SCHIP1: variants seen among roughly 807,000 people sequenced by gnomAD.
SCHIP1 encodes the protein schwannomin interacting protein 1, also known as schwannomin-interacting protein 1.
A neutral mutation model predicts 29.7 loss-of-function variants in SCHIP1; 8 were observed. That is an observed-to-expected ratio of 0.27 (90% CI 0.16 to 0.49). SCHIP1 has a LOEUF of 0.49. Ranked by LOEUF, SCHIP1 falls within the 20% of genes least tolerant of loss-of-function variation. The pLI is 0.99. For missense variants in SCHIP1, 193 were observed against 294.6 expected (o/e 0.66, Z 2.52); for synonymous variants, 76 against 94.9 (o/e 0.80, Z 1.16).
chr3:159,437,672 G>A, the SCHIP1 span, among the ~76,000 whole-genome samples: 1 of 152,040 alleles, frequency 6.6e-6, no homozygotes, highest in East Asian at 1.9e-4. Context: ...GGAATTCAAG[G>A]TCATTCTCTT....
the SCHIP1 span, among the ~76,000 whole-genome samples, chr3:159,563,924 C>G: frequency 1.3e-5 from 2 of 152,276 alleles, no homozygotes; most frequent in African/African-American, 4.8e-5. Flanking sequence ...CGTACCTTCT[C>G]TTTATGTATC....
the SCHIP1 span, among the ~76,000 whole-genome samples, chr3:159,277,470 G>A: frequency 2.0e-5 from 3 of 152,034 alleles, no homozygotes; most frequent in Admixed American, 1.3e-4. Context: ...TTTTTCTGAT[G>A]TCTTGGTGGA....
the SCHIP1 span, among the ~76,000 whole-genome samples, chr3:159,614,122 G>C: frequency 2.0e-5 from 3 of 152,160 alleles, no homozygotes; most frequent in Non-Finnish European, 2.9e-5. Context: ...GGAAATGTCA[G>C]ATCTAGGATT....
upstream of SCHIP1, among the ~76,000 whole-genome samples, chr3:159,837,725 A>G (rs1743805736): frequency 6.6e-6 from 1 of 151,856 alleles, no homozygotes; most frequent in African/African-American, 2.4e-5. Context: ...CCCGCCCGAA[A>G]AAAAAAAAAA....
chr3:159,318,832 C>A, the SCHIP1 span, among the ~76,000 whole-genome samples: 1 of 152,140 alleles, frequency 6.6e-6, no homozygotes, highest in African/African-American at 2.4e-5. Context: ...ATAAAGCACC[C>A]AGTTCATGAT....
chr3:159,527,739 T>TGCTAA, the SCHIP1 span, among the ~76,000 whole-genome samples: 1 of 152,186 alleles, frequency 6.6e-6, no homozygotes, highest in South Asian at 2.1e-4. Flanking sequence ...TGGAGTAGTT[T>TGCTAA]TTTTGTTTGC....
chr3:159,612,994 A>C, the SCHIP1 span, among the ~76,000 whole-genome samples: 3 of 152,216 alleles, frequency 2.0e-5, no homozygotes, highest in African/African-American at 7.2e-5. Flanking sequence ...CTTCCAAGTC[A>C]TTGTAAATGG....
At chr3:159,698,365 T>C in the SCHIP1 span, among the ~76,000 whole-genome samples, 1 of 152,252 alleles carries the variant, frequency 6.6e-6, no homozygotes, top group Admixed American at 6.5e-5. Context: ...TTTCATTTCA[T>C]CAAAATATCT....
the SCHIP1 span, among the ~76,000 whole-genome samples, chr3:159,526,903 A>G: frequency 1.3e-5 from 2 of 148,308 alleles, no homozygotes; most frequent in Non-Finnish European, 3.0e-5. Context: ...GGACCATCTG[A>G]TACTGTCCCG....
the SCHIP1 span, among the ~76,000 whole-genome samples, chr3:159,516,076 C>G: frequency 6.6e-6 from 1 of 151,976 alleles, no homozygotes; most frequent in Admixed American, 6.6e-5. Context: ...GGTGACTCCT[C>G]TTCTCCTTCT....
At chr3:159,655,362 A>G in the SCHIP1 span, among the ~76,000 whole-genome samples, 2 of 152,286 alleles carry the variant, frequency 1.3e-5, no homozygotes, top group African/African-American at 4.8e-5. Flanking sequence ...GCATGCGACA[A>G]TGGTAGCAGT....
the SCHIP1 span, among the ~76,000 whole-genome samples, chr3:159,673,859 A>G: frequency 2.0e-5 from 3 of 152,204 alleles, no homozygotes; most frequent in East Asian, 1.9e-4. Context: ...CCAAATGCCA[A>G]CCATGTTTGG....
At chr3:159,747,644 A>C in the SCHIP1 span, among the ~76,000 whole-genome samples, 17 of 151,930 alleles carry the variant, frequency 1.1e-4, no homozygotes, top group South Asian at 3.3e-3. Context: ...TATGCTTTTC[A>C]TGGGTATGAC....
chr3:159,838,358 A>T (rs1743873334), upstream of SCHIP1, among the ~76,000 whole-genome samples: 2 of 152,248 alleles, frequency 1.3e-5, no homozygotes, highest in Non-Finnish European at 2.9e-5. Flanking sequence ...AACTTGTCAA[A>T]CATGTCAATT....
At chr3:159,430,018 G>T in the SCHIP1 span, among the ~76,000 whole-genome samples, 1 of 152,102 alleles carries the variant, frequency 6.6e-6, no homozygotes. Flanking sequence ...GACTAAAGTG[G>T]TTACTCTCAG....
the SCHIP1 span, among the ~76,000 whole-genome samples, chr3:159,553,053 G>A: frequency 1.1e-4 from 17 of 152,028 alleles, 1 homozygote; most frequent in Admixed American, 6.6e-4. Context: ...ACTGAAAGAC[G>A]GTGCATGGCT....
chr3:159,295,952 G>A, the SCHIP1 span, among the ~76,000 whole-genome samples: 33 of 152,138 alleles, frequency 2.2e-4, no homozygotes, highest in Non-Finnish European at 5.9e-5. Context: ...TAAAATGAAG[G>A]TTAAATGTAA....
the SCHIP1 span, chr3:159,306,448 A>G: frequency 1.5e-3 from 249 of 163,276 alleles, no homozygotes; most frequent in African/African-American, 5.7e-3. Context: ...CTAAATGCCA[A>G]GAAGTATTAT....
chr3:159,492,249 G>A, the SCHIP1 span, among the ~76,000 whole-genome samples: 1 of 152,208 alleles, frequency 6.6e-6, no homozygotes, highest in Non-Finnish European at 1.5e-5. Context: ...AAGCTGGACA[G>A]AGAATGACTT....
Sources: gnomAD v4.1 joint callset for allele counts (sites outside exome capture counted in the v4.1 genomes callset) on GRCh38, gnomAD v4.1.1 for gene constraint, MANE v1.5 for transcripts, NCBI Gene and HGNC (gene_info 2026-07-23, HGNC 2026-07-21) for gene names.